The following FNDC3B variants were observed in gnomAD, a reference collection of about 807,000 sequenced individuals.
The protein encoded by FNDC3B is fibronectin type III domain-containing protein 3B.
Under a neutral mutation model 151.5 loss-of-function variants are expected in FNDC3B, and 12 were observed. The observed-to-expected ratio is 0.08, with a 90% confidence interval of 0.05 to 0.13. The LOEUF is 0.13. Ranked by LOEUF, FNDC3B falls within the 10% of genes least tolerant of loss-of-function variation. FNDC3B has a pLI of 1.00. For missense variants in FNDC3B, 1,214 were observed against 1,505.3 expected (o/e 0.81, Z 3.20); for synonymous variants, 528 against 549.0 (o/e 0.96, Z 0.54).
chr3:172,082,552 G>A (rs934784772), intron 1 of FNDC3B, among the ~76,000 whole-genome samples: 1 of 152,030 alleles, frequency 6.6e-6, no homozygotes, highest in Non-Finnish European at 1.5e-5. Flanking sequence ...TTCTCCAGCC[G>A]TTCAGCAGGA....
intron 23 of FNDC3B, among the ~76,000 whole-genome samples, chr3:172,372,490 T>G (rs1384250329): frequency 6.6e-6 from 1 of 152,222 alleles, no homozygotes; most frequent in Non-Finnish European, 1.5e-5. Flanking sequence ...CTTGTTGCTT[T>G]TGTCAGCAAG....
chr3:172,365,047 C>T lies in FNDC3B; in HGVS notation c.3008+2202C>T, dbSNP rs867462788. Among the ~76,000 whole-genome samples, 5 of 152,232 alleles carry T rather than the reference C, an allele frequency of 3.3e-5. 1 individual carries two copies. The highest frequency in any genetic ancestry group is 1.2e-4 in the African/African-American group (5 of 41,458). Reference sequence around the variant, plus strand: ...GTTTGAAGATGACCTTCCTCAGTGTCTTGAAACTGAACTCTTGTAGTGAGT... The same window carrying T: ...GTTTGAAGATGACCTTCCTCAGTGTTTTGAAACTGAACTCTTGTAGTGAGT... On this transcript the variant is annotated intron_variant, in intron 23 of 25. Transcript: ENST00000415807.
chr3:172,322,050 G>A (rs1466637473), intron 11 of FNDC3B, among the ~76,000 whole-genome samples: 1 of 152,176 alleles, frequency 6.6e-6, no homozygotes, highest in Non-Finnish European at 1.5e-5. Flanking sequence ...GTGTAATATT[G>A]CATAACAAAT....
At chr3:172,064,623 C>A (rs771259222) in intron 1 of FNDC3B, among the ~76,000 whole-genome samples, 1 of 152,214 alleles carries the variant, frequency 6.6e-6, no homozygotes, top group African/African-American at 2.4e-5. Context: ...ACTTTCATTT[C>A]TTTGAAATGT....
intron 11 of FNDC3B, among the ~76,000 whole-genome samples, chr3:172,326,673 T>C (rs956274699): frequency 1.3e-5 from 2 of 152,158 alleles, no homozygotes; most frequent in African/African-American, 4.8e-5. Context: ...TCCTAATTCT[T>C]TAGTGAGCGT....
At chr3:172,307,643 A>G in intron 10 of FNDC3B, 142 bp downstream of exon 10, 2 of 735,904 alleles carry the variant, frequency 2.7e-6, no homozygotes, top group South Asian at 3.4e-5. Context: ...GCAGTGAGCC[A>G]TGATCACGCC....
In FNDC3B at chr3:172,247,697, A is replaced by G; in HGVS notation, c.429A>G (p.Pro143=). 1.2e-6 allele frequency: 2 copies of G among 1,613,992 alleles called. No individual in the cohort carries two copies. The highest frequency in any genetic ancestry group is 1.7e-6 in the Non-Finnish European group (2 of 1,179,968). The change falls in exon 5 of 26, where the codon CCA becomes CCG. Residue 143 remains proline, a synonymous_variant. Transcript: ENST00000415807. The stretch of plus-strand genomic sequence containing the variant: ...ATAACTCACACACGGCTTACTACCC[A>G]CCTGTTACCGGACCTGGAGATATGC... The part of the protein sequence containing the change: ...FIHNSHTAYY[P]PVTGPGDMPP...
intron 3 of FNDC3B, among the ~76,000 whole-genome samples, chr3:172,179,157 G>A (rs1723754690): frequency 6.6e-6 from 1 of 152,108 alleles, no homozygotes; most frequent in Admixed American, 6.5e-5. Context: ...CGCCTCCCAG[G>A]TTCAAGCGAT....
intron 16 of FNDC3B, among the ~76,000 whole-genome samples, chr3:172,340,534 C>T (rs1427169170): frequency 6.6e-6 from 1 of 152,194 alleles, no homozygotes; most frequent in East Asian, 1.9e-4. Flanking sequence ...GATCCACCCA[C>T]CTCGGCCTCC....
chr3:172,194,175 A>G (rs889971962), intron 3 of FNDC3B, among the ~76,000 whole-genome samples: 3 of 152,074 alleles, frequency 2.0e-5, no homozygotes, highest in Non-Finnish European at 4.4e-5. Context: ...AGCCGAGATC[A>G]CGCCACTGCA....
At chr3:172,113,025 G>A (rs542187502) in intron 2 of FNDC3B, among the ~76,000 whole-genome samples, 4 of 152,150 alleles carry the variant, frequency 2.6e-5, no homozygotes, top group African/African-American at 7.2e-5. Context: ...CCTTCCAAAT[G>A]TGTAGCTCAT....
chr3:172,262,016 A>C (rs1728671427), intron 6 of FNDC3B, among the ~76,000 whole-genome samples: 1 of 152,180 alleles, frequency 6.6e-6, no homozygotes, highest in African/African-American at 2.4e-5. Context: ...GGAAGACTGG[A>C]AAATAACGAG....
intron 4 of FNDC3B, among the ~76,000 whole-genome samples, chr3:172,229,072 TAGAA>T (rs1176391716): frequency 1.4e-5 from 2 of 139,646 alleles, no homozygotes; most frequent in Non-Finnish European, 3.0e-5. Flanking sequence ...CATGCAGTTG[TAGAA>T]AGAAAGAAAC....
intron 3 of FNDC3B, among the ~76,000 whole-genome samples, chr3:172,175,746 TAGTA>T (rs1254925224): frequency 6.6e-6 from 1 of 152,162 alleles, no homozygotes; most frequent in Admixed American, 6.5e-5. Context: ...ATGATTACCA[TAGTA>T]AGTGAGAACC....
At chr3:172,114,772 C>G (rs1250511484) in intron 2 of FNDC3B, among the ~76,000 whole-genome samples, 1 of 152,036 alleles carries the variant, frequency 6.6e-6, no homozygotes, top group African/African-American at 2.4e-5. Context: ...TTTTTTTAAT[C>G]TTATTAAAGC....
chr3:172,262,269 G>A lies in FNDC3B; in HGVS notation c.790+10728G>A, dbSNP rs140403480. Among the ~76,000 whole-genome samples the A allele has an allele frequency of 3.0e-3, 459 of 152,284 alleles. 4 individuals carry two copies. The highest frequency in any genetic ancestry group is 0.011 in the African/African-American group (446 of 41,552). On this transcript the variant is annotated intron_variant, in intron 6 of 25. Transcript: ENST00000415807. ...TTTCCCAGAGGGGTTGGGTGGAGAC[G>A]GGGAAAGCCTTTTTGCCCTGTTGTG...
rs182466479 is a variant in FNDC3B at position 172,209,580 on chromosome 3, C to T, written c.188-17291C>T. ...GCATGTGTGCTGATTGGTCCATGGG[C>T]GGCCACAGGCGGGCCTGGAAAAAGC... On this transcript the variant is annotated intron_variant, in intron 3 of 25. Coordinates refer to ENST00000415807, the MANE Select transcript of FNDC3B (RefSeq NM_022763.4). Among the ~76,000 whole-genome samples the T allele has an allele frequency of 1.3e-4, 20 of 152,176 alleles. No individual in the cohort carries two copies. The East Asian group carries it at 1.5e-3, about 12-fold the overall frequency.
chr3:172,127,859 T>C (rs1233090806), intron 2 of FNDC3B, among the ~76,000 whole-genome samples: 1 of 152,018 alleles, frequency 6.6e-6, no homozygotes, highest in Non-Finnish European at 1.5e-5. Flanking sequence ...AGAGACAGGG[T>C]GTTGGTCAGG....
chr3:172,106,233 T>C (rs1412557788), intron 1 of FNDC3B, among the ~76,000 whole-genome samples: 1 of 152,226 alleles, frequency 6.6e-6, no homozygotes, highest in African/African-American at 2.4e-5. Context: ...CTCCCTGGGC[T>C]GAAGCCATCA....
Sources: gnomAD v4.1 joint callset for allele counts (sites outside exome capture counted in the v4.1 genomes callset) on GRCh38, gnomAD v4.1.1 for gene constraint, MANE v1.5 for transcripts, NCBI Gene and HGNC (gene_info 2026-07-23, HGNC 2026-07-21) for gene names.